The following CAMKMT variants were observed in gnomAD, a reference collection of about 807,000 sequenced individuals.
CAMKMT encodes the protein CaM KMT.
A neutral mutation model predicts 48.0 loss-of-function variants in CAMKMT; 53 were observed. The observed-to-expected ratio is 1.10, with a 90% confidence interval of 0.89 to 1.39. CAMKMT has a LOEUF of 1.39. Ranked by LOEUF, CAMKMT falls within the 40% of genes most tolerant of loss-of-function variation. The pLI is 0.00. For missense variants in CAMKMT, 428 were observed against 402.7 expected, an observed-to-expected ratio of 1.06 and a Z score of -0.54; for synonymous variants, 165 against 152.3, an observed-to-expected ratio of 1.08 and a Z score of -0.61.
At chr2:44,385,023 GGT>G (rs1366980866) in intron 2 of CAMKMT, among the ~76,000 whole-genome samples, 1 of 152,044 alleles carries the variant, frequency 6.6e-6, no homozygotes, top group Non-Finnish European at 1.5e-5. Context: ...GAAGAATGAT[GGT>G]GGTATTTTGA....
At chr2:44,686,221 G>A (rs765871010) in intron 3 of CAMKMT, among the ~76,000 whole-genome samples, 9 of 151,704 alleles carry the variant, frequency 5.9e-5, no homozygotes, top group Admixed American at 3.3e-4. Flanking sequence ...ATGAAACACC[G>A]TATCTACTAA....
At chr2:44,736,728 T>G (rs1036238206) in intron 7 of CAMKMT, among the ~76,000 whole-genome samples, 1 of 152,182 alleles carries the variant, frequency 6.6e-6, no homozygotes, top group African/African-American at 2.4e-5. Context: ...TTGGATAGTT[T>G]CTATCACTAT....
intron 3 of CAMKMT, among the ~76,000 whole-genome samples, chr2:44,698,657 G>T (rs984054719): frequency 6.6e-6 from 1 of 152,232 alleles, no homozygotes; most frequent in Non-Finnish European, 1.5e-5. Context: ...GATGATGGCT[G>T]CTAACTGATG....
At chr2:44,372,976 C>A in intron 2 of CAMKMT, 88 bp downstream of exon 2, 1 of 1,256,936 alleles carries the variant, frequency 8.0e-7, no homozygotes, top group Non-Finnish European at 1.1e-6. Context: ...ATTATTTATT[C>A]TATTGAGTTT....
At chr2:44,437,278 A>G (rs1666321066) in intron 3 of CAMKMT, among the ~76,000 whole-genome samples, 1 of 152,170 alleles carries the variant, frequency 6.6e-6, no homozygotes, top group Non-Finnish European at 1.5e-5. Context: ...TTATATACAT[A>G]TGAATGTTTC....
At chr2:44,643,371 C>A (rs999670303) in intron 3 of CAMKMT, among the ~76,000 whole-genome samples, 1 of 152,094 alleles carries the variant, frequency 6.6e-6, no homozygotes, top group Non-Finnish European at 1.5e-5. Context: ...ATACATAATT[C>A]TTTGCAAGTA....
At position 44,672,419 on chromosome 2, in the gene CAMKMT, T is replaced by C. The variant is rs149243831; in HGVS notation, c.377-31864T>C. Among the ~76,000 whole-genome samples, 1,053 of 152,322 alleles carry C rather than the reference T, an allele frequency of 6.9e-3. 17 individuals are homozygous for C. Among genetic ancestry groups the C allele is most frequent in the African/African-American group, 0.024 (986 of 41,568 alleles). ...ATAGTAAATAATTTTGTGGGTTTTT[T>C]TTTCAGCTGCTCTTCATTTGACATT... On this transcript the variant is annotated intron_variant, in intron 3 of 10. Transcript: ENST00000378494.
intron 3 of CAMKMT, among the ~76,000 whole-genome samples, chr2:44,515,936 A>T (rs1203156489): frequency 2.6e-5 from 4 of 152,226 alleles, no homozygotes; most frequent in Non-Finnish European, 4.4e-5. Context: ...TATTTATGAG[A>T]AAGAACAAGT....
chr2:44,426,369 A>G (rs970016533), intron 3 of CAMKMT, among the ~76,000 whole-genome samples: 4 of 152,196 alleles, frequency 2.6e-5, no homozygotes, highest in African/African-American at 9.7e-5. Context: ...AAGAAAAGGC[A>G]TATAGATGGG....
rs1051965134 is a variant in CAMKMT at position 44,763,281 on chromosome 2, G to A, written c.763-3149G>A. Among the ~76,000 whole-genome samples, 21 of 152,282 alleles carry A rather than the reference G, an allele frequency of 1.4e-4. 1 individual carries two copies. In the East Asian group the frequency reaches 1.5e-3, roughly 11 times the overall value. On this transcript the variant is annotated intron_variant, in intron 9 of 10. Transcript: ENST00000378494. ...CTACTGCCCAGTCTTTCTCTTTCTC[G>A]TGGGTACAGTGTTGTGCACAGAATG...
At chr2:44,377,940 G>A (rs1320254075) in intron 2 of CAMKMT, among the ~76,000 whole-genome samples, 1 of 152,096 alleles carries the variant, frequency 6.6e-6, no homozygotes, top group East Asian at 1.9e-4. Flanking sequence ...TAGATGGTTT[G>A]CTTATGAAAT....
At chr2:44,630,454 C>T (rs1413653011) in intron 3 of CAMKMT, among the ~76,000 whole-genome samples, 1 of 148,662 alleles carries the variant, frequency 6.7e-6, no homozygotes, top group Non-Finnish European at 1.5e-5. Flanking sequence ...TCAGAGTGAA[C>T]AGGCAACCCA....
At chr2:44,634,260 G>A (rs776968822) in intron 3 of CAMKMT, among the ~76,000 whole-genome samples, 1 of 151,770 alleles carries the variant, frequency 6.6e-6, no homozygotes, top group African/African-American at 2.4e-5. Context: ...AGCCACCTCA[G>A]CCTCCCCTAA....
At position 44,449,327 on chromosome 2, in the gene CAMKMT, C is replaced by G. The variant is rs376358874; in HGVS notation, c.376+59022C>G. Among the ~76,000 whole-genome samples the G allele has an allele frequency of 5.9e-4, 90 of 152,210 alleles. 1 individual carries two copies. The South Asian group carries it at 0.018, about 31-fold the overall frequency. On this transcript the variant is annotated intron_variant, in intron 3 of 10. Coordinates refer to ENST00000378494, the MANE Select transcript of CAMKMT (RefSeq NM_024766.5). ...CAAGTTGTTTGAAAATAAACCCATG[C>G]ATGTTATTTCAACTGACTATCTCTG... is the stretch of plus-strand genomic sequence containing the variant.
chr2:44,450,942 C>A (rs982877487), intron 3 of CAMKMT, among the ~76,000 whole-genome samples: 4 of 152,060 alleles, frequency 2.6e-5, no homozygotes, highest in Non-Finnish European at 5.9e-5. Context: ...ACTCTCTGTG[C>A]TCTCTGACTT....
At chr2:44,380,945 A>T (rs898478366) in intron 2 of CAMKMT, among the ~76,000 whole-genome samples, 3 of 152,006 alleles carry the variant, frequency 2.0e-5, no homozygotes, top group African/African-American at 7.3e-5. Context: ...GTGGGTCACG[A>T]GGTCAGGAGT....
intron 3 of CAMKMT, among the ~76,000 whole-genome samples, chr2:44,594,354 G>C (rs888428401): frequency 1.1e-4 from 16 of 152,104 alleles, no homozygotes; most frequent in African/African-American, 3.9e-4. Flanking sequence ...GTATAGCCAA[G>C]ACAATCCTAA....
intron 3 of CAMKMT, among the ~76,000 whole-genome samples, chr2:44,620,388 C>T (rs1428379834): frequency 1.3e-5 from 2 of 152,124 alleles, no homozygotes; most frequent in South Asian, 2.1e-4. Context: ...TATGCTTACT[C>T]ATCCTATCAT....
chr2:44,718,110 A>G (rs1678267933), intron 7 of CAMKMT, among the ~76,000 whole-genome samples: 1 of 152,172 alleles, frequency 6.6e-6, no homozygotes, highest in East Asian at 1.9e-4. Context: ...GGCTTGTCCA[A>G]GGGCCTTGGA....
Sources: allele counts gnomAD v4.1 joint callset (sites outside exome capture counted in the v4.1 genomes callset), GRCh38; gene constraint gnomAD v4.1.1; transcripts MANE v1.5; gene names NCBI Gene and HGNC (gene_info 2026-07-23, HGNC 2026-07-21).